Variants in SMOC1 observed in about 807,000 individuals in gnomAD.
The protein encoded by SMOC1 is SPARC related modular calcium binding 1, also known as SPARC-related modular calcium-binding protein 1.
SMOC1 carries 22 observed loss-of-function variants against 56.3 expected under a neutral mutation model. The observed-to-expected ratio is 0.39, with a 90% CI of 0.28 to 0.56. SMOC1 has a LOEUF of 0.56. SMOC1 is among the 20% of genes least tolerant of loss of function. SMOC1 has a pLI of 0.61. For synonymous variants in SMOC1, 193 were observed against 215.0 expected, an observed-to-expected ratio of 0.90 and a Z score of 0.89; for missense variants, 509 against 565.4, an observed-to-expected ratio of 0.90 and a Z score of 1.01.
intron 10 of SMOC1, among the ~76,000 whole-genome samples, chr14:70,015,450 A>T: frequency 1.4e-5 from 1 of 73,598 alleles, no homozygotes; most frequent in East Asian, 2.4e-4. Context: ...CAATAAAATT[A>T]ACAACAACAA....
intron 1 of SMOC1, among the ~76,000 whole-genome samples, chr14:69,944,742 C>G (rs57709257): frequency 0.022 from 3,356 of 152,128 alleles, 129 homozygotes; most frequent in African/African-American, 0.076. Context: ...AGATACTGCC[C>G]GAGTTATGGG....
At chr14:69,985,639 G>A (rs1423430789) in intron 5 of SMOC1, among the ~76,000 whole-genome samples, 1 of 152,224 alleles carries the variant, frequency 6.6e-6, no homozygotes, top group Non-Finnish European at 1.5e-5. Flanking sequence ...ATTCTGAGTA[G>A]TGTGATGCAA....
At chr14:70,023,584 T>C in intron 11 of SMOC1, 137 bp downstream of exon 11, 4 of 1,288,658 alleles carry the variant, frequency 3.1e-6, no homozygotes, top group African/African-American at 2.9e-5. Flanking sequence ...CTATGCTTCA[T>C]GCTAGATGTT....
chr14:70,026,937 G>A (rs1225337770), intron 11 of SMOC1, among the ~76,000 whole-genome samples: 1 of 152,246 alleles, frequency 6.6e-6, no homozygotes, highest in African/African-American at 2.4e-5. Flanking sequence ...ATATGTGTGT[G>A]TATGAGTGTG....
At chr14:69,958,997 C>T (rs1663481491) in intron 3 of SMOC1, among the ~76,000 whole-genome samples, 1 of 152,064 alleles carries the variant, frequency 6.6e-6, no homozygotes, top group South Asian at 2.1e-4. Flanking sequence ...AAAATTCTGA[C>T]AATATGGAAG....
chr14:69,965,906 C>T (rs542494081), intron 3 of SMOC1, among the ~76,000 whole-genome samples: 21 of 152,286 alleles, frequency 1.4e-4, no homozygotes, highest in African/African-American at 4.8e-4. Context: ...GGAGGTGACC[C>T]GGCAGGTCAG....
intron 3 of SMOC1, among the ~76,000 whole-genome samples, chr14:69,954,955 T>G (rs568589018): frequency 6.6e-6 from 1 of 152,228 alleles, no homozygotes; most frequent in East Asian, 1.9e-4. Flanking sequence ...AGGTTGAGGA[T>G]TGGATATCAG....
chr14:70,000,752 T>A (rs1268255158), intron 7 of SMOC1, among the ~76,000 whole-genome samples: 1 of 152,212 alleles, frequency 6.6e-6, no homozygotes, highest in Non-Finnish European at 1.5e-5. Context: ...TGGTGAGCCA[T>A]GCATGACCAT....
chr14:69,900,851 C>A (rs1310712532), intron 1 of SMOC1, among the ~76,000 whole-genome samples: 2 of 152,252 alleles, frequency 1.3e-5, no homozygotes, highest in South Asian at 2.1e-4. Flanking sequence ...TGGCCACATG[C>A]CACAATGGCC....
intron 1 of SMOC1, among the ~76,000 whole-genome samples, chr14:69,883,068 A>G (rs530758171): frequency 7.2e-5 from 11 of 152,244 alleles, no homozygotes; most frequent in Non-Finnish European, 1.5e-4. Flanking sequence ...TGAAGTATAT[A>G]TACATTATGA....
At chr14:69,986,887 G>C (rs1336350277) in intron 5 of SMOC1, among the ~76,000 whole-genome samples, 1 of 152,210 alleles carries the variant, frequency 6.6e-6, no homozygotes, top group Non-Finnish European at 1.5e-5. Flanking sequence ...AACCTGACAT[G>C]CCCGACCACT....
Position 69,919,914 on chromosome 14 carries a change from C to T in SMOC1, c.100-32224C>T, listed in dbSNP as rs537716630. ...AATCATCCTATGAACACAAATACCCCCCCCCCCCTTTCTCCCCTGGAGTAG... is the reference window on the plus strand; with the variant it reads ...AATCATCCTATGAACACAAATACCCTCCCCCCCCTTTCTCCCCTGGAGTAG... On this transcript the variant is annotated intron_variant, in intron 1 of 11. Coordinates refer to ENST00000361956, the MANE Select transcript of SMOC1 (RefSeq NM_001034852.3). 9.0e-4 allele frequency among the ~76,000 whole-genome samples: 133 copies of T among 148,500 alleles called. 5 individuals carry two copies. In the East Asian group the frequency reaches 0.026, roughly 29 times the overall value.
At chr14:69,971,238 G>A (rs768948843) in intron 3 of SMOC1, among the ~76,000 whole-genome samples, 4 of 152,054 alleles carry the variant, frequency 2.6e-5, no homozygotes, top group African/African-American at 7.2e-5. Flanking sequence ...GGCTGGTCTC[G>A]AACTCCTGAT....
chr14:70,012,650 A>T (rs912165451), intron 9 of SMOC1, among the ~76,000 whole-genome samples: 7 of 152,174 alleles, frequency 4.6e-5, no homozygotes. Flanking sequence ...AGTAGTGTAG[A>T]GGGCCCATTT....
intron 1 of SMOC1, among the ~76,000 whole-genome samples, chr14:69,933,657 A>C (rs1481740005): frequency 6.6e-6 from 1 of 152,076 alleles, no homozygotes; most frequent in Admixed American, 6.6e-5. Flanking sequence ...AGCTGGGACT[A>C]CAGGTGCACA....
intron 1 of SMOC1, among the ~76,000 whole-genome samples, chr14:69,939,102 T>C (rs1447351417): frequency 6.6e-6 from 1 of 152,186 alleles, no homozygotes; most frequent in Non-Finnish European, 1.5e-5. Flanking sequence ...CCAGGTTAGC[T>C]TCATTTCAGC....
chr14:70,006,037 C>T (rs1037024912), intron 7 of SMOC1, among the ~76,000 whole-genome samples: 1 of 152,172 alleles, frequency 6.6e-6, no homozygotes, highest in African/African-American at 2.4e-5. Context: ...CCCTGTCTTG[C>T]ATTCTGGAAG....
At chr14:70,024,902 C>T (rs1885866119) in intron 11 of SMOC1, among the ~76,000 whole-genome samples, 1 of 152,126 alleles carries the variant, frequency 6.6e-6, no homozygotes, top group Admixed American at 6.5e-5. Flanking sequence ...AAGGCAGGGT[C>T]ATCCAATAGG....
At chr14:70,021,149 G>T (rs543228043) in intron 10 of SMOC1, among the ~76,000 whole-genome samples, 1 of 152,284 alleles carries the variant, frequency 6.6e-6, no homozygotes, top group South Asian at 2.1e-4. Flanking sequence ...GAGCAGGAAG[G>T]TCCCTGACTG....
Sources: allele counts gnomAD v4.1 joint callset (sites outside exome capture counted in the v4.1 genomes callset), GRCh38; gene constraint gnomAD v4.1.1; transcripts MANE v1.5; gene names NCBI Gene and HGNC (gene_info 2026-07-23, HGNC 2026-07-21).